Variants in GRID2 observed in about 807,000 individuals in gnomAD.
GRID2 encodes glutamate receptor ionotropic, delta-2.
In GRID2, 33 loss-of-function variants were observed where a neutral mutation model predicts 114.8. The observed-to-expected ratio is 0.29, with a 90% CI of 0.22 to 0.38. The LOEUF is 0.38. Ranked by LOEUF, GRID2 falls within the 10% of genes least tolerant of loss-of-function variation. The probability of loss-of-function intolerance (pLI) is 1.00; values close to 1 mark genes in which losing one functional copy is unlikely to be tolerated. For missense variants in GRID2, 1,184 were observed against 1,257.7 expected (o/e 0.94, Z 0.89); for synonymous variants, 505 against 449.9 (o/e 1.12, Z -1.55).
intron 4 of GRID2, among the ~76,000 whole-genome samples, chr4:93,128,067 A>ACGTG (rs762223305): frequency 1.1e-3 from 153 of 139,564 alleles, no homozygotes; most frequent in Non-Finnish European, 2.0e-3. Context: ...AAACAACAGT[A>ACGTG]CGTGCTATAT....
At chr4:93,331,885 C>A (rs1401998577) in intron 8 of GRID2, among the ~76,000 whole-genome samples, 6 of 152,002 alleles carry the variant, frequency 3.9e-5, no homozygotes, top group Non-Finnish European at 7.4e-5. Context: ...AGTTCTTCCT[C>A]TTTATGGAAC....
intron 2 of GRID2, among the ~76,000 whole-genome samples, chr4:92,719,628 T>C (rs1379519199): frequency 6.6e-6 from 1 of 152,104 alleles, no homozygotes; most frequent in African/African-American, 2.4e-5. Flanking sequence ...GTTGGATCTA[T>C]GAACTTGCAT....
intron 2 of GRID2, among the ~76,000 whole-genome samples, chr4:92,619,203 G>A (rs1314987741): frequency 6.6e-6 from 1 of 151,628 alleles, no homozygotes; most frequent in Non-Finnish European, 1.5e-5. Context: ...CTTATTTAAA[G>A]TTCAGGCACT....
At chr4:93,357,788 T>C (rs1761492060) in intron 8 of GRID2, among the ~76,000 whole-genome samples, 1 of 151,732 alleles carries the variant, frequency 6.6e-6, no homozygotes, top group African/African-American at 2.4e-5. Context: ...TGTCACAACT[T>C]GGTTGTTCAA....
intron 2 of GRID2, among the ~76,000 whole-genome samples, chr4:92,936,720 T>G (rs1345145599): frequency 1.4e-5 from 2 of 146,382 alleles, no homozygotes; most frequent in Non-Finnish European, 3.0e-5. Flanking sequence ...TTTTGGAAGT[T>G]TGCCTCATCA....
intron 8 of GRID2, among the ~76,000 whole-genome samples, chr4:93,283,099 T>A (rs960803003): frequency 6.6e-6 from 1 of 152,002 alleles, no homozygotes; most frequent in Admixed American, 6.6e-5. Context: ...ATCCAAACCA[T>A]ATCATACCCA....
At chr4:93,481,741 G>T (rs1725888129) in intron 11 of GRID2, among the ~76,000 whole-genome samples, 1 of 152,050 alleles carries the variant, frequency 6.6e-6, no homozygotes, top group African/African-American at 2.4e-5. Flanking sequence ...AGATATGGGA[G>T]CAATCCAATC....
intron 1 of GRID2, among the ~76,000 whole-genome samples, chr4:93,790,249 A>G (rs1464643219): frequency 6.6e-6 from 1 of 152,110 alleles, no homozygotes; most frequent in Non-Finnish European, 1.5e-5. Context: ...ATGCAATAAA[A>G]AAACTGAAGA....
intron 1 of GRID2, 25 bp downstream of exon 1, chr4:92,304,769 T>G (rs752142684): frequency 6.6e-7 from 1 of 1,514,854 alleles, no homozygotes; most frequent in South Asian, 1.1e-5. Context: ...GTGCAGCTCG[T>G]GGTTACTTTT....
At chr4:93,380,794 C>A (rs1267773929) in intron 8 of GRID2, among the ~76,000 whole-genome samples, 3 of 151,994 alleles carry the variant, frequency 2.0e-5, no homozygotes, top group Non-Finnish European at 4.4e-5. Context: ...ACAAAATACT[C>A]TAAAGCATAT....
chr4:93,050,790 A>G (rs971094711), intron 2 of GRID2, among the ~76,000 whole-genome samples: 1 of 151,988 alleles, frequency 6.6e-6, no homozygotes, highest in African/African-American at 2.4e-5. Flanking sequence ...AGCACAATAA[A>G]TATTGAAAGC....
intron 2 of GRID2, among the ~76,000 whole-genome samples, chr4:92,840,040 C>T (rs965735087): frequency 3.9e-5 from 6 of 152,028 alleles, no homozygotes; most frequent in African/African-American, 9.7e-5. Context: ...GTTATATCCT[C>T]CTGCTGAATT....
At chr4:92,727,008 T>TC (rs1327358862) in intron 2 of GRID2, among the ~76,000 whole-genome samples, 2 of 152,096 alleles carry the variant, frequency 1.3e-5, no homozygotes, top group Admixed American at 1.3e-4. Flanking sequence ...TTCTTTCCTT[T>TC]CTGTAGGAAA....
chr4:93,293,945 T>C (rs1416706062), intron 8 of GRID2, among the ~76,000 whole-genome samples: 5 of 152,306 alleles, frequency 3.3e-5, no homozygotes, highest in African/African-American at 1.2e-4. Flanking sequence ...AGTGAACACA[T>C]AACATATCAT....
intron 14 of GRID2, among the ~76,000 whole-genome samples, chr4:93,765,169 A>G (rs1052668185): frequency 6.6e-6 from 1 of 152,188 alleles, no homozygotes; most frequent in Non-Finnish European, 1.5e-5. Context: ...GTTAAATCAT[A>G]AAAAGGAGGC....
chr4:93,055,858 A>G (rs1727183030), intron 2 of GRID2, among the ~76,000 whole-genome samples: 1 of 151,980 alleles, frequency 6.6e-6, no homozygotes, highest in Non-Finnish European at 1.5e-5. Context: ...CTATTTAGCT[A>G]CAGTCTGTCC....
downstream of GRID2, among the ~76,000 whole-genome samples, chr4:93,779,230 T>G (rs1734432131): frequency 6.6e-6 from 1 of 151,976 alleles, no homozygotes; most frequent in African/African-American, 2.4e-5. Flanking sequence ...TTAATGAGTT[T>G]AGTACCTATA....
At position 92,785,858 on chromosome 4, in the gene GRID2, T is replaced by C. The variant is rs1479809171; in HGVS notation, c.244+195572T>C. ...CTTTAAAAAAAACTTTTTTTAAAAC[T>C]ATAAATTGTAAATTGACATTTCAAT... On this transcript the variant is annotated intron_variant, in intron 2 of 15. Transcript: ENST00000282020. Among the ~76,000 whole-genome samples, 6 of 151,882 alleles carry C rather than the reference T, an allele frequency of 4.0e-5. No individual in the cohort carries two copies. In the East Asian group the frequency reaches 9.7e-4, roughly 25 times the overall value.
At chr4:93,290,438 T>C (rs905134874) in intron 8 of GRID2, among the ~76,000 whole-genome samples, 1 of 152,204 alleles carries the variant, frequency 6.6e-6, no homozygotes, top group African/African-American at 2.4e-5. Flanking sequence ...AATCTCAACC[T>C]TTGCTTATAC....
Sources: allele counts gnomAD v4.1 joint callset (sites outside exome capture counted in the v4.1 genomes callset), GRCh38; gene constraint gnomAD v4.1.1; transcripts MANE v1.5; gene names NCBI Gene and HGNC (gene_info 2026-07-23, HGNC 2026-07-21).